The following AFF1 variants were observed in gnomAD, a reference collection of about 807,000 sequenced individuals.
The protein encoded by AFF1 is AF4/FMR2 family member 1.
Under a neutral mutation model 121.7 loss-of-function variants are expected in AFF1, and 48 were observed. The ratio of observed to expected loss-of-function variants is 0.39; its 90% CI spans 0.31 to 0.50. AFF1 has a LOEUF of 0.50. Among genes scored for constraint, AFF1 ranks in the 20% least tolerant of loss-of-function variants. The probability of loss-of-function intolerance (pLI) is 0.76; values close to 1 mark genes in which losing one functional copy is unlikely to be tolerated. For missense variants in AFF1, 1,523 were observed against 1,511.7 expected (o/e 1.01, Z -0.12); for synonymous variants, 613 against 563.0 (o/e 1.09, Z -1.26).
chr4:86,968,440 C>T (rs889190870), intron 2 of AFF1, among the ~76,000 whole-genome samples: 5 of 152,118 alleles, frequency 3.3e-5, no homozygotes, highest in Admixed American at 2.6e-4. Flanking sequence ...TTGAAAATAA[C>T]ATTGACGTTC....
rs1292338207 is a variant in AFF1, at chr4:87,022,582, ATCTATC to A, written c.39-23582_39-23577del. ...TATATATATATATATATATATATATATCTATCTATATCTATCTGTGTGTATATATAT... is the reference window on the plus strand; with the variant it reads ...TATATATATATATATATATATATATATATATCTATCTGTGTGTATATATAT... On this transcript the variant is annotated intron_variant, in intron 2 of 20. Transcript: ENST00000395146. 3.2e-3 allele frequency among the ~76,000 whole-genome samples: 282 copies of A among 88,308 alleles called. 2 individuals carry two copies. Among genetic ancestry groups the A allele is most frequent in the East Asian group, 0.011 (34 of 2,974 alleles). The allele number at this position is 88,308 out of a possible 152,430, so 57.9% of individuals were successfully genotyped here.
chr4:87,117,348 A>G (rs1348092163), intron 12 of AFF1, among the ~76,000 whole-genome samples: 2 of 152,128 alleles, frequency 1.3e-5, no homozygotes, highest in South Asian at 4.1e-4. Flanking sequence ...AAGCGCTGTC[A>G]AGCTGCTGAG....
At chr4:87,085,620 C>G (rs1206348313) in intron 5 of AFF1, among the ~76,000 whole-genome samples, 1 of 152,076 alleles carries the variant, frequency 6.6e-6, no homozygotes, top group Non-Finnish European at 1.5e-5. Context: ...TATTTCCTCA[C>G]TTGTGAAATT....
chr4:87,021,593 A>G (rs1171582450), intron 2 of AFF1, among the ~76,000 whole-genome samples: 2 of 152,220 alleles, frequency 1.3e-5, no homozygotes, highest in African/African-American at 2.4e-5. Context: ...GAAATAATAG[A>G]TGTAATTTAG....
intron 2 of AFF1, among the ~76,000 whole-genome samples, chr4:87,010,086 A>G (rs890986918): frequency 2.0e-5 from 3 of 152,184 alleles, no homozygotes; most frequent in Admixed American, 6.5e-5. Flanking sequence ...TGTCTCCCAC[A>G]TTTTAGTCTC....
chr4:87,055,116 C>A (rs1719972884), intron 4 of AFF1, among the ~76,000 whole-genome samples: 1 of 152,168 alleles, frequency 6.6e-6, no homozygotes, highest in Non-Finnish European at 1.5e-5. Context: ...GCTAGGACTG[C>A]AGGCACATGG....
chr4:87,118,650 C>T (rs748623755), intron 12 of AFF1, among the ~76,000 whole-genome samples: 21 of 152,002 alleles, frequency 1.4e-4, no homozygotes, highest in Non-Finnish European at 2.9e-4. Flanking sequence ...CCACTGTACC[C>T]AGCTAATTTA....
In AFF1 at chr4:87,108,209, CAG is replaced by C. The variant is rs1726118043; in HGVS notation, c.1430_1431del (p.Glu477ValfsTer6). On this transcript the variant is annotated frameshift_variant, in exon 11 of 21. Coordinates refer to ENST00000395146, the MANE Select transcript of AFF1 (RefSeq NM_001166693.3). LOFTEE classifies it high-confidence loss of function. The stretch of plus-strand genomic sequence containing the variant: ...GTGGCATCAGCACATTCCAGCAGTG[CAG>C]AGTCAGAAAGCACCAGTGACTCAGA... The C allele has an allele frequency of 6.2e-7, 1 of 1,614,122 alleles. No individual in the cohort carries two copies. The highest frequency in any genetic ancestry group is 8.5e-7 in the Non-Finnish European group (1 of 1,180,008).
chr4:87,138,746 A>G lies in AFF1; in HGVS notation c.*3045A>G. On this transcript the variant is annotated 3_prime_UTR_variant, in exon 21 of 21. Coordinates refer to ENST00000395146, the MANE Select transcript of AFF1 (RefSeq NM_001166693.3). ...AGCATTTATCAGAAATAGAATCACA[A>G]TAGGAGGAGAATTTGACTGTCTGAT... 4.3e-6 allele frequency: 1 copy of G among 230,830 alleles called. No individual in the cohort carries two copies. The highest frequency in any genetic ancestry group is 6.1e-5 in the East Asian group (1 of 16,264). 14.3% of individuals were successfully genotyped at this position (230,830 alleles called of 1,614,324 possible).
At chr4:87,014,966 T>C (rs935608047) in intron 2 of AFF1, among the ~76,000 whole-genome samples, 2 of 152,230 alleles carry the variant, frequency 1.3e-5, no homozygotes, top group Non-Finnish European at 2.9e-5. Flanking sequence ...TAGACATTTC[T>C]AAGATGGCCT....
At chr4:87,050,791 C>T (rs550917580) in intron 4 of AFF1, among the ~76,000 whole-genome samples, 2 of 152,216 alleles carry the variant, frequency 1.3e-5, no homozygotes, top group African/African-American at 2.4e-5. Flanking sequence ...CGCGATCTCA[C>T]GTGGATCCCG....
At chr4:86,974,865 G>A (rs1723190344) in intron 2 of AFF1, among the ~76,000 whole-genome samples, 1 of 152,164 alleles carries the variant, frequency 6.6e-6, no homozygotes, top group Non-Finnish European at 1.5e-5. Context: ...TTTTGCCATC[G>A]TTTCTGGTTT....
chr4:86,982,557 G>A (rs1055800717), intron 2 of AFF1, among the ~76,000 whole-genome samples: 1 of 151,518 alleles, frequency 6.6e-6, no homozygotes, highest in African/African-American at 2.4e-5. Flanking sequence ...TGGGATTAGT[G>A]CCCTTATAAA....
chr4:86,988,797 G>T lies in AFF1; in HGVS notation c.38+40226G>T, dbSNP rs1724486958. On this transcript the variant is annotated intron_variant, in intron 2 of 20. Coordinates refer to ENST00000395146, the MANE Select transcript of AFF1 (RefSeq NM_001166693.3). Reference sequence around the variant, plus strand: ...TGCTGACTTCAAACTATACTACAAGGCTACGGTAACCAAAACAGCATGATT... The same window carrying T: ...TGCTGACTTCAAACTATACTACAAGTCTACGGTAACCAAAACAGCATGATT... Among the ~76,000 whole-genome samples the T allele has an allele frequency of 2.0e-5, 3 of 152,200 alleles. No homozygotes were observed. The South Asian group carries it at 6.2e-4, about 32-fold the overall frequency.
At chr4:87,065,810 C>T (rs75420061) in intron 4 of AFF1, among the ~76,000 whole-genome samples, 2 of 145,340 alleles carry the variant, frequency 1.4e-5, no homozygotes, top group African/African-American at 5.1e-5. Flanking sequence ...TTTCCCCCCC[C>T]TTTCTCTGTG....
At chr4:87,004,826 A>G (rs1240523022) in intron 2 of AFF1, among the ~76,000 whole-genome samples, 2 of 152,216 alleles carry the variant, frequency 1.3e-5, no homozygotes, top group African/African-American at 4.8e-5. Context: ...TCACACAGAA[A>G]GAGGATGAGT....
In AFF1 at chr4:87,114,499, G is replaced by T; in HGVS notation, c.1666G>T (p.Asp556Tyr). Residue 556 changes from aspartate to tyrosine, a missense_variant, in exon 12 of 21, where the codon GAC becomes TAC. Asp to Tyr is a radical substitution (Grantham distance 160). Coordinates refer to ENST00000395146, the MANE Select transcript of AFF1 (RefSeq NM_001166693.3). ...RRHPESKGSS[D>Y]SATSQEHSES... ...GCACCCAGAGAGTAAGGGCAGCAGC[G>T]ACAGTGCCACGAGTCAGGAGCATTC... 5 of 1,613,568 alleles carry T rather than the reference G, an allele frequency of 3.1e-6. No homozygotes were observed. Among genetic ancestry groups the T allele is most frequent in the Non-Finnish European group, 4.2e-6 (5 of 1,179,950 alleles).
intron 4 of AFF1, among the ~76,000 whole-genome samples, chr4:87,083,040 GC>G (rs1173800095): frequency 6.6e-6 from 1 of 152,166 alleles, no homozygotes; most frequent in Non-Finnish European, 1.5e-5. Flanking sequence ...GCTGTACTGT[GC>G]CCATGATGCC....
At position 87,135,708 on chromosome 4, in the gene AFF1, C is replaced by G. The variant is rs767463190; in HGVS notation, c.*7C>G. On this transcript the variant is annotated 3_prime_UTR_variant, in exon 21 of 21. Coordinates refer to ENST00000395146, the MANE Select transcript of AFF1 (RefSeq NM_001166693.3). ...ATTAACCAAAACACCTTAATGGAGC[C>G]CCAGGTTGATTCAATGCCTTGGGAA... is the stretch of plus-strand genomic sequence containing the variant. 2 of 1,608,486 alleles carry G rather than the reference C, an allele frequency of 1.2e-6. No homozygotes were observed. Among genetic ancestry groups the G allele is most frequent in the African/African-American group, 2.7e-5 (2 of 74,752 alleles).
Sources: gnomAD v4.1 joint callset for allele counts (sites outside exome capture counted in the v4.1 genomes callset) on GRCh38, gnomAD v4.1.1 for gene constraint, MANE v1.5 for transcripts, NCBI Gene and HGNC (gene_info 2026-07-23, HGNC 2026-07-21) for gene names.